Variants in STIM2 observed in about 807,000 individuals in gnomAD.
STIM2 encodes stromal interaction molecule 2.
In STIM2, 31 loss-of-function variants were observed where a neutral mutation model predicts 85.8. The observed-to-expected ratio is 0.36, with a 90% confidence interval of 0.27 to 0.49. The LOEUF (loss-of-function observed/expected upper bound fraction) is 0.49. STIM2 is among the 20% of genes least tolerant of loss of function. The probability of loss-of-function intolerance (pLI) is 0.98; values close to 1 mark genes in which losing one functional copy is unlikely to be tolerated. For missense variants in STIM2, 841 were observed against 927.6 expected (o/e 0.91, Z 1.21); for synonymous variants, 356 against 331.1 (o/e 1.08, Z -0.82).
chr4:26,952,586 G>A (rs1726099081), intron 2 of STIM2, among the ~76,000 whole-genome samples: 1 of 151,978 alleles, frequency 6.6e-6, no homozygotes, highest in South Asian at 2.1e-4. Flanking sequence ...GAAGCACAGA[G>A]AGTCAAGTAA....
intron 1 of STIM2, among the ~76,000 whole-genome samples, chr4:26,910,361 A>T (rs77509336): frequency 6.6e-6 from 1 of 151,790 alleles, no homozygotes; most frequent in Non-Finnish European, 1.5e-5. Flanking sequence ...CGTCTTTACT[A>T]AAAAAAATAA....
intron 3 of STIM2, among the ~76,000 whole-genome samples, chr4:26,987,446 T>C (rs1727619409): frequency 1.3e-5 from 2 of 152,156 alleles, no homozygotes; most frequent in African/African-American, 4.8e-5. Flanking sequence ...TCTGTTCCTG[T>C]GAAAATCCAC....
At chr4:27,007,734 G>C in intron 8 of STIM2, 34 bp downstream of exon 8, 1 of 1,505,474 alleles carries the variant, frequency 6.6e-7, no homozygotes, top group Non-Finnish European at 8.9e-7. Context: ...TACTAAATTT[G>C]TTTCTTAGGC....
At chr4:26,953,782 A>G (rs939276582) in intron 2 of STIM2, among the ~76,000 whole-genome samples, 8 of 151,984 alleles carry the variant, frequency 5.3e-5, no homozygotes, top group Admixed American at 5.3e-4. Context: ...TTGCCTTACC[A>G]CCTAGACTGT....
At position 26,994,919 on chromosome 4, in the gene STIM2, G is replaced by T. The variant is rs145313665; in HGVS notation, c.398-460G>T. Among the ~76,000 whole-genome samples, 450 of 152,066 alleles carry T rather than the reference G, an allele frequency of 3.0e-3. 17 individuals are homozygous for T. The East Asian group carries it at 0.057, about 19-fold the overall frequency. On this transcript the variant is annotated intron_variant, in intron 3 of 11. Coordinates refer to ENST00000467087, the MANE Select transcript of STIM2 (RefSeq NM_020860.4). ...CCTCTTCTTCCTTCTTTCATAAAGT[G>T]CCCCTCCCCAAACCCAAAGGAATTT...
chr4:26,976,967 T>C (rs1241137985), intron 3 of STIM2, among the ~76,000 whole-genome samples: 3 of 152,176 alleles, frequency 2.0e-5, no homozygotes, highest in African/African-American at 4.8e-5. Context: ...TAGCTACATA[T>C]ACACTCACAC....
At chr4:26,897,700 A>C (rs1236108742) in intron 1 of STIM2, among the ~76,000 whole-genome samples, 1 of 152,198 alleles carries the variant, frequency 6.6e-6, no homozygotes, top group Non-Finnish European at 1.5e-5. Flanking sequence ...ATCATATTTA[A>C]TTTAAAAATA....
At chr4:26,960,834 C>T (rs57616127) in intron 3 of STIM2, among the ~76,000 whole-genome samples, 2,188 of 152,016 alleles carry the variant, frequency 0.014, 50 homozygotes, top group African/African-American at 0.043. Context: ...GAGGCCTAGG[C>T]GAGCAGAGCA....
chr4:26,930,234 A>G (rs1309657261), intron 2 of STIM2, among the ~76,000 whole-genome samples: 1 of 152,204 alleles, frequency 6.6e-6, no homozygotes, highest in Non-Finnish European at 1.5e-5. Context: ...AATAATTTAA[A>G]TAAGAGAAAT....
chr4:26,968,189 T>C (rs1351887508), intron 3 of STIM2, among the ~76,000 whole-genome samples: 2 of 151,922 alleles, frequency 1.3e-5, no homozygotes, highest in Non-Finnish European at 2.9e-5. Context: ...ATCATTAACC[T>C]TCAGGAAATT....
chr4:26,981,927 A>C (rs1241225485), intron 3 of STIM2, among the ~76,000 whole-genome samples: 1 of 151,328 alleles, frequency 6.6e-6, no homozygotes, highest in African/African-American at 2.4e-5. Context: ...GTGTTTCCAT[A>C]ACTATAAAGG....
intron 2 of STIM2, among the ~76,000 whole-genome samples, chr4:26,939,425 G>T (rs1197250721): frequency 6.6e-6 from 1 of 152,104 alleles, no homozygotes; most frequent in Non-Finnish European, 1.5e-5. Flanking sequence ...GACATGCTTT[G>T]TACCACCCCA....
intron 1 of STIM2, among the ~76,000 whole-genome samples, chr4:26,880,660 T>TATATATGTAAATATATATATAAAC (rs1722977478): frequency 1.4e-5 from 2 of 146,884 alleles, no homozygotes; most frequent in Admixed American, 1.4e-4. Context: ...TATATATAAA[T>TATATATGTAAATATATATATAAAC]ATATATGTAA....
rs113180595 is a variant in STIM2 at position 27,017,737 on chromosome 4, T to C, written c.1516T>C (p.Leu506=). 5,152 of 1,614,126 alleles carry C rather than the reference T, an allele frequency of 3.2e-3. 35 individuals carry two copies. Among genetic ancestry groups the C allele is most frequent in the Middle Eastern group, 0.018 (108 of 6,062 alleles). The change falls in exon 11 of 12, where the codon TTA becomes CTA. Residue 506 remains leucine, a synonymous_variant. Coordinates refer to ENST00000467087, the MANE Select transcript of STIM2 (RefSeq NM_020860.4). ...GACCATGGCTAAACCTCCTGGATCA[T>C]TAGCCAGAAGCAGCAGCCTGTGCCG...
At chr4:26,908,237 T>C (rs1333614974) in intron 1 of STIM2, among the ~76,000 whole-genome samples, 1 of 152,238 alleles carries the variant, frequency 6.6e-6, no homozygotes, top group Non-Finnish European at 1.5e-5. Context: ...GAATATTCTC[T>C]TTTGGGTATT....
chr4:26,964,031 GT>G (rs1219198188), intron 3 of STIM2, among the ~76,000 whole-genome samples: 3 of 152,194 alleles, frequency 2.0e-5, no homozygotes, highest in Non-Finnish European at 4.4e-5. Flanking sequence ...TATTACTACT[GT>G]TTTTGGAAGG....
intron 10 of STIM2, among the ~76,000 whole-genome samples, chr4:27,013,019 G>A (rs951578032): frequency 3.3e-5 from 5 of 151,908 alleles, no homozygotes; most frequent in African/African-American, 7.2e-5. Context: ...AATGAGTTGC[G>A]TTTGGTTCGT....
chr4:26,983,005 G>T (rs574423064), intron 3 of STIM2, among the ~76,000 whole-genome samples: 8 of 152,304 alleles, frequency 5.3e-5, no homozygotes, highest in Non-Finnish European at 1.0e-4. Flanking sequence ...CCTGCCTTAT[G>T]TGGGCCTCGG....
chr4:26,998,974 G>A (rs887487150), intron 4 of STIM2, among the ~76,000 whole-genome samples: 3 of 151,504 alleles, frequency 2.0e-5, no homozygotes, highest in Admixed American at 6.6e-5. Flanking sequence ...ATAACAGAAA[G>A]TAACCTTAGA....
Sources: gnomAD v4.1 joint callset for allele counts (sites outside exome capture counted in the v4.1 genomes callset) on GRCh38, gnomAD v4.1.1 for gene constraint, MANE v1.5 for transcripts, NCBI Gene and HGNC (gene_info 2026-07-23, HGNC 2026-07-21) for gene names.